XIRP2: variants seen among roughly 807,000 people sequenced by gnomAD.
XIRP2 encodes the protein xin actin-binding repeat-containing protein 2.
Under a neutral mutation model 277.0 loss-of-function variants are expected in XIRP2, and 236 were observed. The ratio of observed to expected loss-of-function variants is 0.85; its 90% CI spans 0.77 to 0.95. The LOEUF (loss-of-function observed/expected upper bound fraction) is 0.95, where lower values mean the gene tolerates loss of function less well. XIRP2 is among the 40% of genes least tolerant of loss of function. The probability of loss-of-function intolerance (pLI) is 0.00; values close to 1 mark genes in which losing one functional copy is unlikely to be tolerated. For missense variants in XIRP2, 4,640 were observed against 4,157.5 expected (o/e 1.12, Z -3.19); for synonymous variants, 1,490 against 1,416.5 (o/e 1.05, Z -1.17).
chr2:167,069,083 G>A lies in XIRP2; in HGVS notation c.409-66826G>A, dbSNP rs1689375285. Among the ~76,000 whole-genome samples the A allele has an allele frequency of 3.3e-5, 5 of 152,012 alleles. No individual in the cohort carries two copies. In the South Asian group the frequency reaches 1.0e-3, roughly 31 times the overall value. On this transcript the variant is annotated intron_variant, in intron 2 of 10. Coordinates refer to ENST00000409195, the MANE Select transcript of XIRP2 (RefSeq NM_152381.6). Reference sequence around the variant, plus strand: ...GGTGCTCAAGTCCTTTATATAAAACGGTGTAGTCTTTGCATATAACCTATG... The same window carrying A: ...GGTGCTCAAGTCCTTTATATAAAACAGTGTAGTCTTTGCATATAACCTATG...
intron 2 of XIRP2, among the ~76,000 whole-genome samples, chr2:166,939,452 G>A (rs375164731): frequency 2.1e-4 from 32 of 151,946 alleles, no homozygotes; most frequent in South Asian, 6.2e-4. Flanking sequence ...AGGCTGAGGC[G>A]GGCGGATCAC....
chr2:167,026,696 T>A (rs1457006319), intron 2 of XIRP2, among the ~76,000 whole-genome samples: 1 of 152,190 alleles, frequency 6.6e-6, no homozygotes, highest in Non-Finnish European at 1.5e-5. Flanking sequence ...AAGTATTTTA[T>A]TTCTCCTTCA....
chr2:166,936,694 G>T (rs563505949), intron 2 of XIRP2, among the ~76,000 whole-genome samples: 1 of 151,982 alleles, frequency 6.6e-6, no homozygotes, highest in African/African-American at 2.4e-5. Flanking sequence ...GCTTGTTTTT[G>T]TCAGGTTTGT....
chr2:166,902,350 C>T (rs773629326), intron 1 of XIRP2, among the ~76,000 whole-genome samples: 47 of 152,030 alleles, frequency 3.1e-4, no homozygotes, highest in South Asian at 1.2e-3. Context: ...ATTGAGTCCC[C>T]GTGCATAAGA....
intron 2 of XIRP2, among the ~76,000 whole-genome samples, chr2:167,010,121 T>A (rs1000206831): frequency 9.2e-5 from 14 of 152,170 alleles, no homozygotes; most frequent in Non-Finnish European, 1.9e-4. Flanking sequence ...TTTGGTGTTT[T>A]AGACATGAAG....
At chr2:167,211,227 A>G (rs1313804136) in intron 4 of XIRP2, among the ~76,000 whole-genome samples, 1 of 151,956 alleles carries the variant, frequency 6.6e-6, no homozygotes, top group Non-Finnish European at 1.5e-5. Flanking sequence ...CCTCCCGAGT[A>G]GCTGGGATTA....
In XIRP2 at chr2:167,245,485, T is replaced by A. The variant is rs778334135; in HGVS notation, c.4093T>A (p.Ser1365Thr). The A allele has an allele frequency of 6.2e-7, 1 of 1,613,554 alleles. No individual in the cohort carries two copies. The highest frequency in any genetic ancestry group is 1.1e-5 in the South Asian group (1 of 91,074). Residue 1365 changes from serine to threonine, a missense_variant, in exon 9 of 11, where the codon TCA becomes ACA. Coordinates refer to ENST00000409195, the MANE Select transcript of XIRP2 (RefSeq NM_152381.6). ...AAAGCCATTAGACTCTATTAATAAA[T>A]CAGAAACTGTGTATGTTATTAAATC... is the stretch of plus-strand genomic sequence containing the variant. ...ETKPLDSINK[S>T]ETVYVIKSVT...
chr2:167,047,618 A>G (rs767460109), intron 2 of XIRP2, among the ~76,000 whole-genome samples: 59 of 151,992 alleles, frequency 3.9e-4, no homozygotes, highest in Non-Finnish European at 7.5e-4. Flanking sequence ...TTTTAAAAAT[A>G]TGAGATCTGT....
chr2:167,106,266 A>G (rs546038472), intron 2 of XIRP2, among the ~76,000 whole-genome samples: 1 of 151,788 alleles, frequency 6.6e-6, no homozygotes, highest in East Asian at 1.9e-4. Context: ...ATTCTGAAGG[A>G]TTCTTATATG....
intron 2 of XIRP2, among the ~76,000 whole-genome samples, chr2:167,032,249 A>G (rs1553480452): frequency 6.6e-6 from 1 of 152,198 alleles, no homozygotes; most frequent in Non-Finnish European, 1.5e-5. Flanking sequence ...CTGGCTAGCC[A>G]TATGCAGAAA....
At position 167,254,256 on chromosome 2, in the gene XIRP2, G is replaced by A. The variant is rs1398261825; in HGVS notation, c.*39+91G>A. On this transcript the variant is annotated intron_variant, in intron 10 of 10. Coordinates refer to ENST00000409195, the MANE Select transcript of XIRP2 (RefSeq NM_152381.6). ...CTCTAGGAGGATGCACATTTTTCCAGATCTTGTTGCTGCGTCAGTTAACAC... is the reference window on the plus strand; with the variant it reads ...CTCTAGGAGGATGCACATTTTTCCAAATCTTGTTGCTGCGTCAGTTAACAC... 2.9e-5 allele frequency: 38 copies of A among 1,332,682 alleles called. No individual in the cohort carries two copies. The South Asian group carries it at 7.8e-4, about 27-fold the overall frequency. The allele number at this position is 1,332,682 out of a possible 1,614,324, so 82.6% of individuals were successfully genotyped here. A position where few individuals can be genotyped will look rare whatever the true frequency, so the allele number is the denominator to read the frequency against.
intron 2 of XIRP2, among the ~76,000 whole-genome samples, chr2:167,066,339 AAAG>A (rs1689302868): frequency 6.6e-6 from 1 of 151,958 alleles, no homozygotes; most frequent in Non-Finnish European, 1.5e-5. Flanking sequence ...ACATTTCTCT[AAAG>A]AAGACTTTCA....
In XIRP2 at chr2:167,254,037, G is replaced by T. The variant is rs767957119; in HGVS notation, c.10561G>T (p.Ala3521Ser). The T allele has an allele frequency of 1.4e-5, 22 of 1,585,248 alleles. No homozygotes were observed. The highest frequency in any genetic ancestry group is 1.9e-5 in the Non-Finnish European group (22 of 1,166,806). Residue 3521 changes from alanine to serine, a missense_variant, in exon 10 of 11, where the codon GCT (alanine) becomes TCT (serine). Transcript: ENST00000409195. Reference protein sequence around the residue: ...QEESAFISEAAAPRQGNMYTL... With the variant: ...QEESAFISEASAPRQGNMYTL... The stretch of plus-strand genomic sequence containing the variant: ...TTGTAAATTTTTATTTTTAGAAGCT[G>T]CTGCTCCAAGACAAGGAAATATGTA...
At chr2:167,051,134 A>G (rs1342387258) in intron 2 of XIRP2, among the ~76,000 whole-genome samples, 1 of 152,010 alleles carries the variant, frequency 6.6e-6, no homozygotes, top group Non-Finnish European at 1.5e-5. Flanking sequence ...TTTAAATCCC[A>G]ATCCAAATAT....
chr2:167,099,950 T>G (rs1035937997), intron 2 of XIRP2, among the ~76,000 whole-genome samples: 8 of 152,174 alleles, frequency 5.3e-5, no homozygotes, highest in Admixed American at 3.9e-4. Context: ...CCGTTCCTAT[T>G]CAGCCATCTT....
At chr2:167,226,158 G>A (rs566224067) in intron 5 of XIRP2, among the ~76,000 whole-genome samples, 5 of 152,286 alleles carry the variant, frequency 3.3e-5, no homozygotes, top group East Asian at 1.9e-4. Flanking sequence ...AAATGCAAAC[G>A]CAGATCCCAC....
Position 166,925,626 on chromosome 2 carries a change from T to TATATAC in XIRP2, c.408+21737_408+21738insTATACA, listed in dbSNP as rs1316563535. ...ATATATATATATATATATATATATA[T>TATATAC]ACATATAAGTATATATATAAAATTT... On this transcript the variant is annotated intron_variant, in intron 2 of 10. Coordinates refer to ENST00000409195, the MANE Select transcript of XIRP2 (RefSeq NM_152381.6). Among the ~76,000 whole-genome samples, 52 of 136,004 alleles carry TATATAC rather than the reference T, an allele frequency of 3.8e-4. 1 individual carries two copies. Among genetic ancestry groups the TATATAC allele is most frequent in the African/African-American group, 5.7e-4 (20 of 34,964 alleles). 89.2% of individuals were successfully genotyped at this position (136,004 alleles called of 152,430 possible). A position where few individuals can be genotyped will look rare whatever the true frequency, so the allele number is the denominator to read the frequency against.
chr2:167,054,991 A>G (rs1689005973), intron 2 of XIRP2, among the ~76,000 whole-genome samples: 1 of 152,112 alleles, frequency 6.6e-6, no homozygotes, highest in Admixed American at 6.6e-5. Flanking sequence ...TCACTATTCT[A>G]TGGGTTAGAA....
chr2:167,248,329 C>A lies in XIRP2; in HGVS notation c.6937C>A (p.Pro2313Thr). 1 of 1,613,844 alleles carries A rather than the reference C, an allele frequency of 6.2e-7. No homozygotes were observed. Among genetic ancestry groups the A allele is most frequent in the Non-Finnish European group, 8.5e-7 (1 of 1,179,852 alleles). Residue 2313 changes from proline to threonine, a missense_variant, in exon 9 of 11, where the codon CCA (proline) becomes ACA (threonine). Coordinates refer to ENST00000409195, the MANE Select transcript of XIRP2 (RefSeq NM_152381.6). ...TGAAATTGAATTTCCTCTTCCTCCT[C>A]CACCTCCTTTGATGATGTTTCCTGA... ...SSEIEFPLPP[P>T]PPLMMFPEKN...
Sources: allele counts gnomAD v4.1 joint callset (sites outside exome capture counted in the v4.1 genomes callset), GRCh38; gene constraint gnomAD v4.1.1; transcripts MANE v1.5; gene names NCBI Gene and HGNC (gene_info 2026-07-23, HGNC 2026-07-21).